The following CTNNA2 variants were observed in gnomAD, a reference collection of about 807,000 sequenced individuals.
CTNNA2 encodes catenin alpha 2.
A neutral mutation model predicts 101.0 loss-of-function variants in CTNNA2; 42 were observed. That is an observed-to-expected ratio of 0.42 (90% CI 0.32 to 0.54). CTNNA2 has a LOEUF of 0.54. CTNNA2 is among the 20% of genes least tolerant of loss of function. CTNNA2 has a pLI of 0.14. For missense variants in CTNNA2, 871 were observed against 1,223.1 expected (o/e 0.71, Z 4.29); for synonymous variants, 450 against 456.4 (o/e 0.99, Z 0.18).
Position 79,211,886 on chromosome 2 carries a change from TA to T in CTNNA2, c.-406+13811del, listed in dbSNP as rs564974455. 1.8e-3 allele frequency among the ~76,000 whole-genome samples: 268 copies of T among 152,184 alleles called. 1 individual carries two copies. Among genetic ancestry groups the T allele is most frequent in the African/African-American group, 6.3e-3 (262 of 41,510 alleles). On this transcript the variant is annotated intron_variant, in intron 2 of 21. Coordinates refer to the CTNNA2 transcript ENST00000466387. The stretch of plus-strand genomic sequence containing the variant: ...TTCTCAGGGCTGCTTCGAGCGGGAT[TA>T]GGGGCGGCGCGGGAACCTAGAGTGG...
chr2:79,896,503 GAA>G (rs924758899), intron 6 of CTNNA2, among the ~76,000 whole-genome samples: 3 of 152,184 alleles, frequency 2.0e-5, no homozygotes, highest in African/African-American at 7.2e-5. Flanking sequence ...TAAAGGTTGG[GAA>G]AAGGATATTC....
chr2:79,562,915 TAAAG>T (rs1674871198), intron 1 of CTNNA2, among the ~76,000 whole-genome samples: 1 of 151,822 alleles, frequency 6.6e-6, no homozygotes, highest in South Asian at 2.1e-4. Context: ...GTGACAGAGA[TAAAG>T]AGAGAAAAGA....
chr2:80,117,247 T>C (rs955864950), intron 7 of CTNNA2, among the ~76,000 whole-genome samples: 1 of 152,074 alleles, frequency 6.6e-6, no homozygotes, highest in Non-Finnish European at 1.5e-5. Flanking sequence ...ACAATGCATA[T>C]AACACTCAGA....
chr2:80,468,077 T>G (rs1685003314), intron 9 of CTNNA2, among the ~76,000 whole-genome samples: 1 of 152,204 alleles, frequency 6.6e-6, no homozygotes, highest in Admixed American at 6.5e-5. Context: ...ACCAGTGTCC[T>G]TAGAGTATCT....
At chr2:80,110,749 T>C (rs956838818) in intron 7 of CTNNA2, among the ~76,000 whole-genome samples, 1 of 152,182 alleles carries the variant, frequency 6.6e-6, no homozygotes, top group African/African-American at 2.4e-5. Context: ...GTGGCACCAC[T>C]GTAGTAGCAT....
chr2:80,246,229 T>G (rs1318988490), intron 7 of CTNNA2, among the ~76,000 whole-genome samples: 1 of 152,204 alleles, frequency 6.6e-6, no homozygotes, highest in Non-Finnish European at 1.5e-5. Context: ...AGACCCAGTT[T>G]GTGAATGGTC....
intron 7 of CTNNA2, among the ~76,000 whole-genome samples, chr2:80,239,957 C>T (rs909930814): frequency 6.6e-6 from 1 of 151,762 alleles, no homozygotes; most frequent in African/African-American, 2.4e-5. Context: ...AAAGTCATAA[C>T]AATATACTGT....
chr2:79,553,662 CTTTT>C (rs1674258955), intron 1 of CTNNA2, among the ~76,000 whole-genome samples: 1 of 152,106 alleles, frequency 6.6e-6, no homozygotes, highest in Non-Finnish European at 1.5e-5. Flanking sequence ...GTGCTATACA[CTTTT>C]AAACAACCAG....
At chr2:80,340,845 T>A (rs905831914) in intron 7 of CTNNA2, among the ~76,000 whole-genome samples, 1 of 152,126 alleles carries the variant, frequency 6.6e-6, no homozygotes, top group Non-Finnish European at 1.5e-5. Flanking sequence ...CATGTCATAC[T>A]CCAATCTCAA....
chr2:80,036,916 A>G lies in CTNNA2; in HGVS notation c.1056+127119A>G, dbSNP rs1695706593. 2.0e-5 allele frequency among the ~76,000 whole-genome samples: 3 copies of G among 152,126 alleles called. No individual in the cohort carries two copies. The South Asian group carries it at 6.2e-4, about 32-fold the overall frequency. ...TGAAATCTCAATTAGGAGTTTTGTG[A>G]GAAACTATTGGGTTATGAAGGTGGG... On this transcript the variant is annotated intron_variant, in intron 7 of 18. Transcript: ENST00000402739.
In CTNNA2 at chr2:80,230,260, GTTTT is replaced by G. The variant is rs375509574; in HGVS notation, c.1057-162937_1057-162934del. Among the ~76,000 whole-genome samples the G allele has an allele frequency of 3.5e-4, 42 of 121,628 alleles. No individual in the cohort carries two copies. The East Asian group carries it at 9.3e-3, about 27-fold the overall frequency. The allele number at this position is 121,628 out of a possible 152,430, so 79.8% of individuals were successfully genotyped here. Reference sequence around the variant, plus strand: ...TCTCTCTCTCTCTTTTTTTTTCTTTGTTTTTTTTTTTTTTTTTAAGAGATAGAGT... The same window carrying G: ...TCTCTCTCTCTCTTTTTTTTTCTTTGTTTTTTTTTTTTTAAGAGATAGAGT... On this transcript the variant is annotated intron_variant, in intron 7 of 18. Transcript: ENST00000402739.
intron 1 of CTNNA2, chr2:79,633,687 C>G (rs570983052): frequency 6.6e-5 from 10 of 152,346 alleles, no homozygotes; most frequent in Admixed American, 6.5e-4. Flanking sequence ...TTGTTTCCCT[C>G]TGTTTCCCAG....
chr2:79,218,716 C>T (rs778146889), intron 2 of CTNNA2, among the ~76,000 whole-genome samples: 3 of 152,060 alleles, frequency 2.0e-5, no homozygotes, highest in South Asian at 2.1e-4. Flanking sequence ...GTACAAATCA[C>T]GGATCTTGGA....
chr2:79,563,086 T>G (rs1674880720), intron 1 of CTNNA2, among the ~76,000 whole-genome samples: 1 of 151,482 alleles, frequency 6.6e-6, no homozygotes, highest in Admixed American at 6.6e-5. Context: ...TGATCCAATA[T>G]GTGATTCATA....
At position 79,324,350 on chromosome 2, in the gene CTNNA2, A is replaced by C. The variant is rs570445133; in HGVS notation, c.-318+11554A>C. Among the ~76,000 whole-genome samples the C allele has an allele frequency of 3.5e-4, 54 of 152,142 alleles. 1 individual carries two copies. Among genetic ancestry groups the C allele is most frequent in the African/African-American group, 1.3e-3 (52 of 41,508 alleles). On this transcript the variant is annotated intron_variant, in intron 3 of 21. Coordinates refer to the CTNNA2 transcript ENST00000466387. ...CTAATTTGAGTAATTTCTGGGGCAT[A>C]AGTGCTGTCCTAGTTGTCTGGTACC...
chr2:79,231,749 A>G (rs1572990777), intron 2 of CTNNA2, among the ~76,000 whole-genome samples: 2 of 152,078 alleles, frequency 1.3e-5, no homozygotes, highest in Non-Finnish European at 2.9e-5. Flanking sequence ...AATGTATTGT[A>G]GTTCTGCTTG....
At chr2:80,029,267 G>C (rs758969119) in intron 7 of CTNNA2, 1 of 152,202 alleles carries the variant, frequency 6.6e-6, no homozygotes, top group African/African-American at 2.4e-5. Flanking sequence ...CTAGGACTCT[G>C]GCCCAAGGAG....
chr2:80,020,121 A>C (rs1200194167), intron 7 of CTNNA2, among the ~76,000 whole-genome samples: 1 of 152,212 alleles, frequency 6.6e-6, no homozygotes. Flanking sequence ...TTAAAATAAC[A>C]ATGAAACAAT....
At position 79,992,473 on chromosome 2, in the gene CTNNA2, A is replaced by C. The variant is rs113785989; in HGVS notation, c.1056+82676A>C. On this transcript the variant is annotated intron_variant, in intron 7 of 18. Transcript: ENST00000402739. ...GTATTTAAGCAAGTAATGTTTTTAC[A>C]GTTGTTGGTAAAAACCTTTTTAAAT... Among the ~76,000 whole-genome samples, 1,100 of 152,300 alleles carry C rather than the reference A, an allele frequency of 7.2e-3. 9 individuals are homozygous for C. Among genetic ancestry groups the C allele is most frequent in the African/African-American group, 0.025 (1,025 of 41,572 alleles).
Sources: gnomAD v4.1 joint callset for allele counts (sites outside exome capture counted in the v4.1 genomes callset) on GRCh38, gnomAD v4.1.1 for gene constraint, MANE v1.5 for transcripts, NCBI Gene and HGNC (gene_info 2026-07-23, HGNC 2026-07-21) for gene names.